The following MKLN1 variants were observed in gnomAD, a reference collection of about 807,000 sequenced individuals.
The protein encoded by MKLN1 is muskelin.
MKLN1 carries 18 observed loss-of-function variants against 99.0 expected under a neutral mutation model. The ratio of observed to expected loss-of-function variants is 0.18; its 90% CI spans 0.13 to 0.27. MKLN1 has a LOEUF of 0.27. MKLN1 is among the 10% of genes least tolerant of loss of function. The pLI is 1.00. For missense variants in MKLN1, 621 were observed against 875.9 expected, an observed-to-expected ratio of 0.71 and a Z score of 3.67; for synonymous variants, 288 against 293.2, an observed-to-expected ratio of 0.98 and a Z score of 0.18.
chr7:131,418,120 G>A (rs960256309), intron 8 of MKLN1, among the ~76,000 whole-genome samples: 4 of 152,118 alleles, frequency 2.6e-5, no homozygotes, highest in African/African-American at 4.8e-5. Context: ...TGTAATCCCA[G>A]CATTTTGGGA....
At chr7:131,265,078 A>G (rs542049229) in intron 3 of MKLN1, among the ~76,000 whole-genome samples, 43 of 152,214 alleles carry the variant, frequency 2.8e-4, no homozygotes, top group Admixed American at 1.6e-3. Context: ...GACCTCAGGT[A>G]ATCCACCTGC....
chr7:131,293,319 A>G (rs1157711674), intron 3 of MKLN1, among the ~76,000 whole-genome samples: 1 of 152,252 alleles, frequency 6.6e-6, no homozygotes, highest in African/African-American at 2.4e-5. Flanking sequence ...CCAGAGCAGC[A>G]GAACTACCTA....
Position 131,464,296 on chromosome 7 carries a change from C to G in MKLN1, c.1676C>G (p.Ser559Cys). The change falls in exon 14 of 18, where the codon TCT (serine) becomes TGT (cysteine). Residue 559 changes from serine (S) to cysteine (C), a missense_variant and splice_region_variant. Physicochemically the swap from Ser to Cys is moderately radical, Grantham distance 112 (BLOSUM62 -1). This residue lies in a region of MKLN1 where 30 missense variants were observed against 29.3 expected (regional missense o/e 1.02). Transcript: ENST00000352689. The stretch of plus-strand genomic sequence containing the variant: ...GCCTTAAAAGCAATGTCTTGCAGGT[C>G]TTGTGTCTATAAGAATGATCAAGCT... ...WIYDIVRNSW[S>C]CVYKNDQAAK... 1 of 1,593,424 alleles carries G rather than the reference C, an allele frequency of 6.3e-7. No homozygotes were observed. Among genetic ancestry groups the G allele is most frequent in the Non-Finnish European group, 8.6e-7 (1 of 1,162,010 alleles).
At chr7:131,255,628 G>T (rs1370948404) in intron 3 of MKLN1, among the ~76,000 whole-genome samples, 1 of 152,070 alleles carries the variant, frequency 6.6e-6, no homozygotes, top group African/African-American at 2.4e-5. Context: ...GCCCAGGCTG[G>T]AGTGCAGTGA....
At chr7:131,270,339 C>T (rs1179228580) in intron 3 of MKLN1, among the ~76,000 whole-genome samples, 1 of 152,214 alleles carries the variant, frequency 6.6e-6, no homozygotes, top group Non-Finnish European at 1.5e-5. Flanking sequence ...TCTCCTGCCT[C>T]AGCCTCCCAA....
chr7:131,416,900 T>A (rs576151334), intron 8 of MKLN1, among the ~76,000 whole-genome samples: 4 of 150,614 alleles, frequency 2.7e-5, no homozygotes, highest in African/African-American at 9.8e-5. Flanking sequence ...GAAGGATTGC[T>A]TGAGCCCAGG....
chr7:131,224,393 A>G (rs1266114930), intron 3 of MKLN1, among the ~76,000 whole-genome samples: 1 of 150,554 alleles, frequency 6.6e-6, no homozygotes, highest in Non-Finnish European at 1.5e-5. Context: ...TAAAAATACA[A>G]AAATTAGCTG....
intron 2 of MKLN1, among the ~76,000 whole-genome samples, chr7:131,161,756 G>A (rs749016828): frequency 6.6e-6 from 1 of 151,030 alleles, no homozygotes; most frequent in Non-Finnish European, 1.5e-5. Flanking sequence ...TTTCACCGTG[G>A]TCTCGATCTC....
At chr7:131,449,746 C>T (rs375767202) in intron 12 of MKLN1, among the ~76,000 whole-genome samples, 1 of 152,026 alleles carries the variant, frequency 6.6e-6, no homozygotes, top group Non-Finnish European at 1.5e-5. Flanking sequence ...CCCCAACTTT[C>T]TCTCTCCTAG....
intron 1 of MKLN1, among the ~76,000 whole-genome samples, chr7:131,342,387 G>C (rs577212868): frequency 1.3e-5 from 2 of 152,280 alleles, no homozygotes; most frequent in South Asian, 4.1e-4. Context: ...ATACCTATCA[G>C]TGTACAGACA....
chr7:131,152,535 T>C (rs1266748812), intron 2 of MKLN1, among the ~76,000 whole-genome samples: 1 of 149,944 alleles, frequency 6.7e-6, no homozygotes, highest in Non-Finnish European at 1.5e-5. Flanking sequence ...AGTCTCGCTC[T>C]GTCACCCGGG....
At chr7:131,235,892 C>T (rs1334682963) in intron 3 of MKLN1, among the ~76,000 whole-genome samples, 3 of 152,202 alleles carry the variant, frequency 2.0e-5, no homozygotes, top group Non-Finnish European at 4.4e-5. Flanking sequence ...GCTAACAGGT[C>T]TATTCCTTCC....
intron 15 of MKLN1, among the ~76,000 whole-genome samples, chr7:131,467,568 G>A (rs1796697523): frequency 6.6e-6 from 1 of 152,080 alleles, no homozygotes; most frequent in East Asian, 1.9e-4. Context: ...AATAGTCAAG[G>A]CTCTGAAGTT....
chr7:131,411,261 T>G lies in MKLN1; in HGVS notation c.704-45T>G, dbSNP rs539914830. The G allele has an allele frequency of 6.9e-6, 8 of 1,157,780 alleles. No homozygotes were observed. In the East Asian group the frequency reaches 1.7e-4, roughly 24 times the overall value. The allele number at this position is 1,157,780 out of a possible 1,614,324, so 71.7% of individuals were successfully genotyped here. A position where few individuals can be genotyped will look rare whatever the true frequency, so the allele number is the denominator to read the frequency against. The stretch of plus-strand genomic sequence containing the variant: ...TAATTTTTTTCTATAATAAATAATG[T>G]AAGTAGTTAAGGTGTAATTCTTTCT... On this transcript the variant is annotated intron_variant, in intron 6 of 17. Coordinates refer to ENST00000352689, the MANE Select transcript of MKLN1 (RefSeq NM_013255.5).
chr7:131,224,464 C>T (rs552294444), intron 3 of MKLN1, among the ~76,000 whole-genome samples: 19 of 151,784 alleles, frequency 1.3e-4, no homozygotes, highest in South Asian at 8.3e-4. Context: ...GAGAATCGCT[C>T]GAACCCAGGA....
At chr7:131,280,356 G>A (rs1044176749) in intron 3 of MKLN1, among the ~76,000 whole-genome samples, 8 of 152,106 alleles carry the variant, frequency 5.3e-5, no homozygotes, top group Non-Finnish European at 7.3e-5. Flanking sequence ...TTTGGTAACC[G>A]TATGTTCAGC....
intron 3 of MKLN1, among the ~76,000 whole-genome samples, chr7:131,236,395 T>C (rs1262756482): frequency 6.6e-6 from 1 of 152,170 alleles, no homozygotes; most frequent in Non-Finnish European, 1.5e-5. Context: ...GCACGGTGGC[T>C]CACGCCTGTA....
intron 8 of MKLN1, 82 bp from the exon 9 acceptor site, chr7:131,428,951 C>A: frequency 2.0e-6 from 2 of 1,011,434 alleles, no homozygotes; most frequent in Non-Finnish European, 3.0e-6. Flanking sequence ...TCTTAAGTGG[C>A]CTTAGAAACA....
At position 131,487,680 on chromosome 7, in the gene MKLN1, CA is replaced by C; in HGVS notation, c.2161del (p.Ser721AlafsTer2). On this transcript the variant is annotated frameshift_variant, in exon 18 of 18. Transcript: ENST00000352689. LOFTEE classifies it high-confidence loss of function. The surrounding 1 kb of genome is among the most constrained non-coding windows in gnomAD (Gnocchi z 4.7). The part of the protein sequence containing the change: ...FDTLVNFFPD[S>X]MTPPKGNLVD... ...ACACCTTAGTAAATTTCTTTCCTGACAGCATGACTCCTCCTAAAGGCAACCT... is the reference window on the plus strand; with the variant it reads ...ACACCTTAGTAAATTTCTTTCCTGACGCATGACTCCTCCTAAAGGCAACCT... 6.2e-7 allele frequency: 1 copy of C among 1,613,174 alleles called. No individual in the cohort carries two copies. The highest frequency in any genetic ancestry group is 8.5e-7 in the Non-Finnish European group (1 of 1,179,380).
Sources: gnomAD v4.1 joint callset for allele counts (sites outside exome capture counted in the v4.1 genomes callset) on GRCh38, gnomAD v4.1.1 for gene constraint, gnomAD v4.1.1 regional missense constraint, Gnocchi (gnomAD v3.1) non-coding constraint, MANE v1.5 for transcripts, NCBI Gene and HGNC (gene_info 2026-07-23, HGNC 2026-07-21) for gene names.